The following AGBL4 variants were observed in gnomAD, a reference collection of about 807,000 sequenced individuals.
AGBL4 encodes the protein cytosolic carboxypeptidase 6.
Under a neutral mutation model 66.4 loss-of-function variants are expected in AGBL4, and 58 were observed. The observed-to-expected ratio is 0.87, with a 90% CI of 0.71 to 1.09. AGBL4 has a LOEUF of 1.09. AGBL4 is among the 50% of genes least tolerant of loss of function. The pLI, the probability that AGBL4 is intolerant of heterozygous loss-of-function variation, is 0.00. For missense variants in AGBL4, 579 were observed against 631.0 expected (o/e 0.92, Z 0.88); for synonymous variants, 234 against 222.9 (o/e 1.05, Z -0.44).
At chr1:49,465,513 G>A (rs1570782914) in intron 3 of AGBL4, among the ~76,000 whole-genome samples, 1 of 151,806 alleles carries the variant, frequency 6.6e-6, no homozygotes, top group Non-Finnish European at 1.5e-5. Context: ...CAACAAATGC[G>A]ACCATCTTTT....
intron 5 of AGBL4, among the ~76,000 whole-genome samples, chr1:48,969,477 C>T (rs965259597): frequency 3.3e-5 from 5 of 152,026 alleles, no homozygotes; most frequent in African/African-American, 1.2e-4. Flanking sequence ...ATTTACAGTA[C>T]AGATAAAAAT....
At chr1:48,634,457 T>C (rs1232222582) in intron 9 of AGBL4, 36 bp downstream of exon 9, 3 of 1,504,922 alleles carry the variant, frequency 2.0e-6, no homozygotes, top group African/African-American at 1.4e-5. Context: ...GATCAAGCCA[T>C]AGATCAGCAG....
At chr1:49,480,361 T>C (rs1229570256) in intron 3 of AGBL4, among the ~76,000 whole-genome samples, 1 of 152,088 alleles carries the variant, frequency 6.6e-6, no homozygotes, top group Non-Finnish European at 1.5e-5. Context: ...TCATTGTGGT[T>C]TTGATTTGCA....
intron 11 of AGBL4, among the ~76,000 whole-genome samples, chr1:48,552,890 C>T (rs1403757566): frequency 1.3e-5 from 2 of 151,712 alleles, no homozygotes; most frequent in South Asian, 2.1e-4. Context: ...TCTAGTAAGA[C>T]GGTTATCTAA....
rs377610651 is a variant in AGBL4 at position 48,890,989 on chromosome 1, C to T, written c.595-23759G>A. Among the ~76,000 whole-genome samples, 73 of 152,134 alleles carry T rather than the reference C, an allele frequency of 4.8e-4. 1 individual carries two copies. In the South Asian group the frequency reaches 9.8e-3, roughly 20 times the overall value. ...GCTGCATAAGATCCTGGGATCGTGG[C>T]GAAGTGTAGTGTTGGGGAGCCACAG... On this transcript the variant is annotated intron_variant, in intron 5 of 13. Transcript: ENST00000371839.
intron 3 of AGBL4, among the ~76,000 whole-genome samples, chr1:49,391,857 G>GT (rs1010849966): frequency 1.5e-4 from 23 of 152,132 alleles, no homozygotes; most frequent in Admixed American, 7.2e-4. Context: ...CAACCATGAG[G>GT]TTTTGAACTT....
At chr1:49,514,085 G>T (rs938439935) in intron 3 of AGBL4, among the ~76,000 whole-genome samples, 2 of 151,946 alleles carry the variant, frequency 1.3e-5, no homozygotes, top group Non-Finnish European at 2.9e-5. Flanking sequence ...CTGAGACTTT[G>T]CTGAAGTTGC....
chr1:48,645,359 TTTGC>T (rs1255194299), intron 8 of AGBL4, among the ~76,000 whole-genome samples: 2 of 152,170 alleles, frequency 1.3e-5, no homozygotes, highest in African/African-American at 4.8e-5. Flanking sequence ...TGGTTTCTTC[TTTGC>T]TTCAAGAAGG....
intron 2 of AGBL4, among the ~76,000 whole-genome samples, chr1:49,744,146 G>T (rs1650796876): frequency 6.6e-6 from 1 of 152,134 alleles, no homozygotes; most frequent in Non-Finnish European, 1.5e-5. Context: ...ACTCCTAAAT[G>T]TTAGAGGTGG....
chr1:49,812,885 A>C (rs1404180220), intron 2 of AGBL4, among the ~76,000 whole-genome samples: 8 of 152,188 alleles, frequency 5.3e-5, no homozygotes, highest in Non-Finnish European at 1.2e-4. Flanking sequence ...CACTGAAGAG[A>C]CCTACATGTA....
intron 5 of AGBL4, among the ~76,000 whole-genome samples, chr1:48,999,489 G>C (rs1465114962): frequency 6.6e-6 from 1 of 152,174 alleles, no homozygotes; most frequent in Non-Finnish European, 1.5e-5. Flanking sequence ...ACTTAATGAA[G>C]GGGATGCAGC....
intron 3 of AGBL4, among the ~76,000 whole-genome samples, chr1:49,273,431 T>C (rs1306306666): frequency 6.6e-6 from 1 of 150,986 alleles, no homozygotes; most frequent in Non-Finnish European, 1.5e-5. Flanking sequence ...AGTTTATAAA[T>C]TTTTATGTTA....
chr1:48,815,334 GT>G (rs1235257114), intron 6 of AGBL4, among the ~76,000 whole-genome samples: 1 of 152,030 alleles, frequency 6.6e-6, no homozygotes, highest in African/African-American at 2.4e-5. Context: ...TCCCTTTCAT[GT>G]TTTCCTTCAC....
intron 1 of AGBL4, among the ~76,000 whole-genome samples, chr1:49,894,912 G>T (rs1159454409): frequency 6.6e-6 from 1 of 151,990 alleles, no homozygotes; most frequent in Non-Finnish European, 1.5e-5. Flanking sequence ...TCAAGTACAG[G>T]TTATAGAACA....
intron 1 of AGBL4, among the ~76,000 whole-genome samples, chr1:49,857,855 T>A (rs952406025): frequency 2.0e-5 from 3 of 152,030 alleles, no homozygotes; most frequent in Non-Finnish European, 2.9e-5. Flanking sequence ...GAAACAAAAA[T>A]AGACCAATGG....
intron 1 of AGBL4, among the ~76,000 whole-genome samples, chr1:49,948,899 A>G (rs1231819230): frequency 1.3e-5 from 2 of 151,846 alleles, no homozygotes; most frequent in African/African-American, 2.4e-5. Context: ...CTAACCAAAA[A>G]GAACAAATCT....
At chr1:48,948,368 AGCCT>A (rs1656695825) in intron 5 of AGBL4, among the ~76,000 whole-genome samples, 1 of 152,198 alleles carries the variant, frequency 6.6e-6, no homozygotes, top group African/African-American at 2.4e-5. Context: ...TCCCAGCGAC[AGCCT>A]GCCTGCTGCA....
chr1:49,579,244 A>T (rs896803094), intron 3 of AGBL4, among the ~76,000 whole-genome samples: 4 of 152,290 alleles, frequency 2.6e-5, no homozygotes, highest in South Asian at 2.1e-4. Flanking sequence ...ATATATATAC[A>T]TCTCTCTCCT....
chr1:49,964,947 T>C (rs1657432927), intron 1 of AGBL4, among the ~76,000 whole-genome samples: 1 of 152,184 alleles, frequency 6.6e-6, no homozygotes, highest in Non-Finnish European at 1.5e-5. Flanking sequence ...CATATTTTAT[T>C]ATAAAGAACA....
Sources: allele counts gnomAD v4.1 joint callset (sites outside exome capture counted in the v4.1 genomes callset), GRCh38; gene constraint gnomAD v4.1.1; transcripts MANE v1.5; gene names NCBI Gene and HGNC (gene_info 2026-07-23, HGNC 2026-07-21).